Variants in ACSS3 observed in about 807,000 individuals in gnomAD.
The protein encoded by ACSS3 is acyl-CoA synthetase short-chain family member 3, mitochondrial.
ACSS3 carries 64 observed loss-of-function variants against 84.2 expected under a neutral mutation model. The ratio of observed to expected loss-of-function variants is 0.76; its 90% CI spans 0.62 to 0.94. The LOEUF (loss-of-function observed/expected upper bound fraction) is 0.94. Among genes scored for constraint, ACSS3 ranks in the 40% least tolerant of loss-of-function variants. The pLI is 0.00. For missense variants in ACSS3, 815 were observed against 867.6 expected (o/e 0.94, Z 0.76); for synonymous variants, 317 against 310.1 (o/e 1.02, Z -0.23).
At chr12:81,226,326 A>G (rs1436607346) in intron 11 of ACSS3, among the ~76,000 whole-genome samples, 1 of 150,360 alleles carries the variant, frequency 6.7e-6, no homozygotes, top group African/African-American at 2.4e-5. Context: ...TTTTTTCCTC[A>G]GTGGAGTTTT....
At chr12:81,080,539 C>T (rs1880904293) in intron 1 of ACSS3, among the ~76,000 whole-genome samples, 1 of 152,000 alleles carries the variant, frequency 6.6e-6, no homozygotes, top group South Asian at 2.1e-4. Context: ...TTTATTTCAG[C>T]AGTGCGATTC....
intron 1 of ACSS3, among the ~76,000 whole-genome samples, chr12:81,096,939 A>G (rs1438654564): frequency 1.3e-5 from 2 of 152,190 alleles, no homozygotes; most frequent in African/African-American, 2.4e-5. Flanking sequence ...ATATGTGTAC[A>G]TGTGTCTTTA....
At chr12:81,197,416 C>G (rs2031889990) in intron 8 of ACSS3, among the ~76,000 whole-genome samples, 1 of 152,086 alleles carries the variant, frequency 6.6e-6, no homozygotes, top group African/African-American at 2.4e-5. Context: ...AACGTGAGAA[C>G]TTGAGAATTT....
chr12:81,116,963 T>G (rs914237468), intron 2 of ACSS3, among the ~76,000 whole-genome samples: 5 of 152,186 alleles, frequency 3.3e-5, no homozygotes, highest in African/African-American at 4.8e-5. Context: ...CTGTCTCATT[T>G]AAAGCCCTGA....
chr12:81,086,479 A>G (rs527645256), intron 1 of ACSS3, among the ~76,000 whole-genome samples: 2 of 152,314 alleles, frequency 1.3e-5, no homozygotes, highest in East Asian at 3.9e-4. Context: ...TTCAGGACAG[A>G]ACAGAGTGAA....
intron 8 of ACSS3, among the ~76,000 whole-genome samples, chr12:81,195,587 A>T (rs893691687): frequency 1.3e-5 from 2 of 151,974 alleles, no homozygotes; most frequent in Non-Finnish European, 2.9e-5. Flanking sequence ...TGTCAAAAAA[A>T]TTGTGTGGTT....
chr12:81,205,828 T>C (rs1475196104), intron 9 of ACSS3, among the ~76,000 whole-genome samples: 2 of 152,250 alleles, frequency 1.3e-5, no homozygotes, highest in East Asian at 3.9e-4. Flanking sequence ...TTATGCCTCT[T>C]GTTATTTTTA....
At chr12:81,195,919 T>C (rs1017461355) in intron 8 of ACSS3, among the ~76,000 whole-genome samples, 3 of 152,160 alleles carry the variant, frequency 2.0e-5, no homozygotes, top group Admixed American at 6.6e-5. Flanking sequence ...AGTGGGCAGC[T>C]ACTCAAATAT....
intron 1 of ACSS3, among the ~76,000 whole-genome samples, chr12:81,093,717 A>G (rs1358473308): frequency 1.3e-5 from 2 of 152,260 alleles, no homozygotes; most frequent in African/African-American, 4.8e-5. Flanking sequence ...ACATAACTAT[A>G]GTACATTATT....
At chr12:81,213,955 CTCTCTT>C (rs1452745600) in intron 9 of ACSS3, among the ~76,000 whole-genome samples, 12 of 34,126 alleles carry the variant, frequency 3.5e-4, no homozygotes, top group African/African-American at 8.5e-4. Flanking sequence ...CTCTCCCTCT[CTCTCTT>C]TCTTTCTTTC....
At chr12:81,127,732 T>C (rs1013511092) in intron 2 of ACSS3, among the ~76,000 whole-genome samples, 1 of 152,174 alleles carries the variant, frequency 6.6e-6, no homozygotes, top group African/African-American at 2.4e-5. Flanking sequence ...TTGATGTGGT[T>C]TTGAAGTTGC....
At chr12:81,175,973 G>A (rs1325140281) in intron 8 of ACSS3, among the ~76,000 whole-genome samples, 2 of 152,054 alleles carry the variant, frequency 1.3e-5, no homozygotes, top group Non-Finnish European at 2.9e-5. Context: ...CATTCCCAAA[G>A]CTAGCAGACA....
Position 81,078,251 on chromosome 12 carries a change from G to T in ACSS3, c.131G>T (p.Gly44Val). 1.2e-6 allele frequency: 2 copies of T among 1,608,268 alleles called. No individual in the cohort carries two copies. The highest frequency in any genetic ancestry group is 1.7e-6 in the Non-Finnish European group (2 of 1,179,086). ...LRALVVPGPR[G>V]GLGGRGCRAL... ...GCTTTAGTGGTCCCGGGCCCGCGGG[G>T]CGGTCTCGGGGGCCGGGGATGCAGG... The change falls in exon 1 of 16, where the codon GGC becomes GTC. Residue 44 changes from glycine (G) to valine (V), a missense_variant. By Grantham distance (109) the Gly-to-Val change is moderately radical. Transcript: ENST00000548058.
intron 7 of ACSS3, among the ~76,000 whole-genome samples, chr12:81,161,883 G>A (rs1295836362): frequency 6.6e-6 from 1 of 152,208 alleles, no homozygotes; most frequent in Non-Finnish European, 1.5e-5. Flanking sequence ...AGCTCCAGGA[G>A]CCACTACGGA....
At chr12:81,101,695 T>C (rs942900526) in intron 1 of ACSS3, among the ~76,000 whole-genome samples, 6 of 152,172 alleles carry the variant, frequency 3.9e-5, no homozygotes, top group Non-Finnish European at 8.8e-5. Context: ...ATTTATTTGC[T>C]CACCAACATT....
In ACSS3 at chr12:81,164,219, ACC is replaced by A. The variant is rs201980809; in HGVS notation, c.1099-10568_1099-10567del. Among the ~76,000 whole-genome samples, 858 of 152,294 alleles carry A rather than the reference ACC, an allele frequency of 5.6e-3. 10 individuals are homozygous for A. Among genetic ancestry groups the A allele is most frequent in the African/African-American group, 0.015 (612 of 41,558 alleles). Reference sequence around the variant, plus strand: ...AACATGTTTAGGTACACAGTCACTTACCATTGTGATACAGTTGTCTACAGTAT... The same window carrying A: ...AACATGTTTAGGTACACAGTCACTTAATTGTGATACAGTTGTCTACAGTAT... On this transcript the variant is annotated intron_variant, in intron 7 of 15. Coordinates refer to ENST00000548058, the MANE Select transcript of ACSS3 (RefSeq NM_024560.4).
intron 12 of ACSS3, among the ~76,000 whole-genome samples, chr12:81,232,562 A>G (rs2033501679): frequency 6.6e-6 from 1 of 151,794 alleles, no homozygotes; most frequent in African/African-American, 2.4e-5. Context: ...AGAGCTCAGG[A>G]TGTGCCAGAG....
At chr12:81,220,639 T>G (rs1489419252) in intron 11 of ACSS3, among the ~76,000 whole-genome samples, 1 of 152,082 alleles carries the variant, frequency 6.6e-6, no homozygotes, top group African/African-American at 2.4e-5. Flanking sequence ...TTCATCATTA[T>G]GTCCATGTGT....
At chr12:81,138,376 A>C (rs1439067029) in intron 3 of ACSS3, among the ~76,000 whole-genome samples, 1 of 152,208 alleles carries the variant, frequency 6.6e-6, no homozygotes, top group Admixed American at 6.5e-5. Flanking sequence ...AGTAATAGAG[A>C]TTTATGAACA....
Sources: gnomAD v4.1 joint callset for allele counts (sites outside exome capture counted in the v4.1 genomes callset) on GRCh38, gnomAD v4.1.1 for gene constraint, MANE v1.5 for transcripts, NCBI Gene and HGNC (gene_info 2026-07-23, HGNC 2026-07-21) for gene names.